The following KIAA1217 variants were observed in gnomAD, a reference collection of about 807,000 sequenced individuals.
The protein encoded by KIAA1217 is sickle tail protein homolog.
Under a neutral mutation model 163.9 loss-of-function variants are expected in KIAA1217, and 88 were observed. The ratio of observed to expected loss-of-function variants is 0.54; its 90% CI spans 0.45 to 0.64. The LOEUF (loss-of-function observed/expected upper bound fraction) is 0.64, where lower values mean the gene tolerates loss of function less well. KIAA1217 is among the 30% of genes least tolerant of loss of function. KIAA1217 has a pLI of 0.00. For synonymous variants in KIAA1217, 903 were observed against 923.1 expected (o/e 0.98, Z 0.39); for missense variants, 2,372 against 2,475.0 (o/e 0.96, Z 0.88).
At chr10:24,304,414 T>A (rs1265472379) in intron 2 of KIAA1217, among the ~76,000 whole-genome samples, 1 of 152,100 alleles carries the variant, frequency 6.6e-6, no homozygotes, top group Non-Finnish European at 1.5e-5. Context: ...CTGGACTGCA[T>A]GGGGCATTCA....
At chr10:24,367,419 C>T (rs2050935217) in intron 2 of KIAA1217, among the ~76,000 whole-genome samples, 1 of 152,192 alleles carries the variant, frequency 6.6e-6, no homozygotes, top group Non-Finnish European at 1.5e-5. Flanking sequence ...AAAATGAACA[C>T]TAATTGCATG....
chr10:24,117,804 T>A (rs1047514856), intron 2 of KIAA1217, among the ~76,000 whole-genome samples: 1 of 152,194 alleles, frequency 6.6e-6, no homozygotes, highest in African/African-American at 2.4e-5. Flanking sequence ...AGCAAAGCAG[T>A]ATCTTCATCA....
intron 1 of KIAA1217, among the ~76,000 whole-genome samples, chr10:23,730,532 A>G (rs1205823010): frequency 6.6e-6 from 1 of 152,240 alleles, no homozygotes; most frequent in East Asian, 1.9e-4. Flanking sequence ...CTACAAAATA[A>G]TTTGCTAGGA....
rs373850593 is a variant in KIAA1217, at chr10:24,134,814, C to G, written c.-170-84812C>G. On this transcript the variant is annotated intron_variant, in intron 2 of 18. Coordinates refer to the KIAA1217 transcript ENST00000376462. ...CTGATCTCGAACTCCTAACCTCAAC[C>G]CATCCTCTGGCTTCAGCTTCCCAAA... Among the ~76,000 whole-genome samples, 132 of 152,210 alleles carry G rather than the reference C, an allele frequency of 8.7e-4. 2 individuals carry two copies. The highest frequency in any genetic ancestry group is 3.1e-3 in the African/African-American group (127 of 41,546).
chr10:24,062,716 T>C (rs1408544800), intron 2 of KIAA1217, among the ~76,000 whole-genome samples: 2 of 152,078 alleles, frequency 1.3e-5, no homozygotes, highest in Non-Finnish European at 2.9e-5. Context: ...ATCGCCACAC[T>C]GACTTCCACA....
At chr10:24,134,587 T>G (rs1470884822) in intron 2 of KIAA1217, among the ~76,000 whole-genome samples, 1 of 152,102 alleles carries the variant, frequency 6.6e-6, no homozygotes, top group Non-Finnish European at 1.5e-5. Context: ...TTAATTTATT[T>G]TTTAGAGGCA....
intron 2 of KIAA1217, among the ~76,000 whole-genome samples, chr10:24,114,223 C>T (rs1025196890): frequency 3.3e-5 from 5 of 152,184 alleles, no homozygotes; most frequent in African/African-American, 1.2e-4. Flanking sequence ...GAAGGAAACA[C>T]TCCAGAAGGA....
At chr10:23,847,604 T>C (rs1416755284) in intron 1 of KIAA1217, among the ~76,000 whole-genome samples, 1 of 152,160 alleles carries the variant, frequency 6.6e-6, no homozygotes, top group Admixed American at 6.5e-5. Flanking sequence ...GATTCTTCTC[T>C]CTTTTCTTCT....
intron 2 of KIAA1217, among the ~76,000 whole-genome samples, chr10:24,028,970 G>C (rs958662273): frequency 5.9e-5 from 9 of 152,176 alleles, no homozygotes; most frequent in Non-Finnish European, 8.8e-5. Flanking sequence ...CAATGGGTTA[G>C]AATTAGGGGT....
At chr10:24,035,386 T>G (rs1180873662) in intron 2 of KIAA1217, among the ~76,000 whole-genome samples, 2 of 152,208 alleles carry the variant, frequency 1.3e-5, no homozygotes, top group Non-Finnish European at 2.9e-5. Context: ...ATTTTTTGTC[T>G]TGGGGTACCT....
At chr10:24,396,916 G>A (rs1159935768) in intron 3 of KIAA1217, among the ~76,000 whole-genome samples, 1 of 152,152 alleles carries the variant, frequency 6.6e-6, no homozygotes, top group African/African-American at 2.4e-5. Context: ...GTTTGGAACA[G>A]ACTAAAGGCA....
At chr10:24,306,068 A>T (rs951059032) in intron 2 of KIAA1217, among the ~76,000 whole-genome samples, 4 of 152,226 alleles carry the variant, frequency 2.6e-5, no homozygotes, top group African/African-American at 9.6e-5. Flanking sequence ...GTCTCTTATT[A>T]ACATTTCCTG....
chr10:24,321,543 A>G lies in KIAA1217; in HGVS notation c.355-59326A>G, dbSNP rs557774743. 4.6e-5 allele frequency among the ~76,000 whole-genome samples: 7 copies of G among 152,304 alleles called. No homozygotes were observed. The South Asian group carries it at 1.0e-3, about 23-fold the overall frequency. ...GAGCAAGGCTTCATCTCAAAGGAAA[A>G]AAAAGGAGCCAAAGGATGGACACAA... On this transcript the variant is annotated intron_variant, in intron 2 of 20. Coordinates refer to ENST00000376454, the MANE Select transcript of KIAA1217 (RefSeq NM_019590.5).
chr10:24,499,772 A>G (rs980950551), intron 8 of KIAA1217, among the ~76,000 whole-genome samples: 18 of 152,116 alleles, frequency 1.2e-4, no homozygotes, highest in African/African-American at 3.9e-4. Flanking sequence ...AAAGCTCGCT[A>G]TCGGGTCTCC....
At chr10:23,729,169 T>C (rs1838334617) in intron 1 of KIAA1217, among the ~76,000 whole-genome samples, 1 of 152,232 alleles carries the variant, frequency 6.6e-6, no homozygotes, top group East Asian at 1.9e-4. Context: ...ATTGTCTGGA[T>C]GTACCATAGT....
chr10:24,109,992 A>C (rs1279010231), intron 2 of KIAA1217, among the ~76,000 whole-genome samples: 2 of 152,204 alleles, frequency 1.3e-5, no homozygotes, highest in African/African-American at 4.8e-5. Context: ...CAGCCTCCCA[A>C]GTAGTTGGGA....
chr10:24,003,126 TTTTTTTG>T (rs998011310), intron 1 of KIAA1217, among the ~76,000 whole-genome samples: 14 of 152,202 alleles, frequency 9.2e-5, no homozygotes, highest in Non-Finnish European at 1.3e-4. Context: ...CATGCAAGTG[TTTTTTTG>T]TTTTTTGTTT....
Position 24,524,747 on chromosome 10 carries a change from A to G in KIAA1217, c.2881A>G (p.Arg961Gly). The change falls in exon 13 of 21, where the codon AGG becomes GGG. Residue 961 changes from arginine (R) to glycine (G), a missense_variant. This residue lies in a region of KIAA1217 where 1,431 missense variants were observed against 1,470.3 expected (regional missense o/e 0.97). Coordinates refer to ENST00000376454, the MANE Select transcript of KIAA1217 (RefSeq NM_019590.5). ...EEIHSVSAKN[R>G]AVSIEKAEKK... ...AATCCACAGTGTGAGTGCCAAGAAC[A>G]GGGCAGTGTCTATCGAGGTAGAGTC... The G allele has an allele frequency of 6.3e-7, 1 of 1,596,710 alleles. No individual in the cohort carries two copies. Among genetic ancestry groups the G allele is most frequent in the Non-Finnish European group, 8.6e-7 (1 of 1,167,188 alleles).
intron 1 of KIAA1217, among the ~76,000 whole-genome samples, chr10:23,747,313 C>G (rs1564386989): frequency 6.6e-6 from 1 of 152,052 alleles, no homozygotes; most frequent in Non-Finnish European, 1.5e-5. Context: ...TTTATTTATT[C>G]CAGACTTTGG....
Sources: gnomAD v4.1 joint callset for allele counts (sites outside exome capture counted in the v4.1 genomes callset) on GRCh38, gnomAD v4.1.1 for gene constraint, gnomAD v4.1.1 regional missense constraint, MANE v1.5 for transcripts, NCBI Gene and HGNC (gene_info 2026-07-23, HGNC 2026-07-21) for gene names.